HK2: variants seen among roughly 807,000 people sequenced by gnomAD.
HK2 encodes the protein hexokinase-2.
A neutral mutation model predicts 92.9 loss-of-function variants in HK2; 42 were observed. The observed-to-expected ratio is 0.45, with a 90% CI of 0.35 to 0.58. The LOEUF (loss-of-function observed/expected upper bound fraction) is 0.58. HK2 is among the 20% of genes least tolerant of loss of function. The pLI, the probability that HK2 is intolerant of heterozygous loss-of-function variation, is 0.00. For missense variants in HK2, 978 were observed against 1,245.1 expected, an observed-to-expected ratio of 0.79 and a Z score of 3.23; for synonymous variants, 422 against 468.0, an observed-to-expected ratio of 0.90 and a Z score of 1.27.
At chr2:74,866,010 A>G (rs903964858) in intron 2 of HK2, among the ~76,000 whole-genome samples, 1 of 152,092 alleles carries the variant, frequency 6.6e-6, no homozygotes, top group Non-Finnish European at 1.5e-5. Flanking sequence ...GCCTCTGCTA[A>G]ATAGTGGCCG....
rs1480144771 is a variant in HK2 at position 74,878,819 on chromosome 2, C to G, written c.1163C>G (p.Ala388Gly). ...VSTRSASLCA[A>G]TLAAVLQRIK... The stretch of plus-strand genomic sequence containing the variant: ...ACACGCTCCGCCAGCCTGTGCGCAG[C>G]CACCCTGGCCGCCGTGCTGCAGCGC... The change falls in exon 9 of 18, where the codon GCC (alanine) becomes GGC (glycine). Residue 388 changes from alanine (A) to glycine (G), a missense_variant. Ala to Gly is a moderately conservative substitution (Grantham distance 60). Transcript: ENST00000290573. 3.2e-6 allele frequency: 5 copies of G among 1,559,798 alleles called. No homozygotes were observed. The highest frequency in any genetic ancestry group is 4.3e-6 in the Non-Finnish European group (5 of 1,151,394).
At position 74,885,885 on chromosome 2, in the gene HK2, C is replaced by CAA. The variant is rs58908262; in HGVS notation, c.1935+297_1935+298insAA. Among the ~76,000 whole-genome samples the CAA allele has an allele frequency of 2.6e-3, 381 of 148,538 alleles. 5 individuals carry two copies. The highest frequency in any genetic ancestry group is 8.9e-3 in the African/African-American group (351 of 39,418). On this transcript the variant is annotated intron_variant, in intron 13 of 17. Coordinates refer to ENST00000290573, the MANE Select transcript of HK2 (RefSeq NM_000189.5). ...ACACACACACACACACACACACACA[C>CAA]AGTAAAGGAATAAAAGAATGGCCAC...
intron 1 of HK2, among the ~76,000 whole-genome samples, chr2:74,841,715 C>T (rs35902493): frequency 0.43 from 65,091 of 152,022 alleles, 15,051 homozygotes; most frequent in African/African-American, 0.59. Context: ...TTTCTGTATT[C>T]TCAACCAGAG....
intron 2 of HK2, among the ~76,000 whole-genome samples, chr2:74,860,000 G>A (rs1688785242): frequency 6.6e-6 from 1 of 152,164 alleles, no homozygotes; most frequent in Non-Finnish European, 1.5e-5. Context: ...AAAATAGAAT[G>A]AAATAATGTA....
chr2:74,870,877 G>A (rs1689081641), intron 3 of HK2, among the ~76,000 whole-genome samples: 1 of 152,142 alleles, frequency 6.6e-6, no homozygotes. Flanking sequence ...CTTTGCATGG[G>A]ATCAGACAGA....
At chr2:74,880,711 T>G (rs138910387) in intron 10 of HK2, 142 bp downstream of exon 10, 95 of 827,660 alleles carry the variant, frequency 1.1e-4, no homozygotes, top group Non-Finnish European at 1.7e-4. Context: ...AGTTCTAGTC[T>G]TTGATAAACT....
intron 1 of HK2, among the ~76,000 whole-genome samples, chr2:74,838,153 TTGA>T (rs1412579130): frequency 6.6e-6 from 1 of 152,138 alleles, no homozygotes; most frequent in African/African-American, 2.4e-5. Context: ...TCTGTTAGAG[TTGA>T]TGGTTTTCAG....
chr2:74,851,744 G>T (rs1688575037), intron 1 of HK2, among the ~76,000 whole-genome samples: 1 of 152,170 alleles, frequency 6.6e-6, no homozygotes. Context: ...GAGTGTCTTT[G>T]TCAGGTGTCA....
intron 2 of HK2, among the ~76,000 whole-genome samples, chr2:74,861,670 C>T (rs1688831080): frequency 6.6e-6 from 1 of 152,204 alleles, no homozygotes; most frequent in South Asian, 2.1e-4. Flanking sequence ...TCACAGTTTA[C>T]ATTGGCTTGT....
In HK2 at chr2:74,854,332, A is replaced by C; in HGVS notation, c.103A>C (p.Thr35Pro). 1.9e-6 allele frequency: 3 copies of C among 1,613,132 alleles called. No individual in the cohort carries two copies. The highest frequency in any genetic ancestry group is 2.5e-6 in the Non-Finnish European group (3 of 1,179,952). ...YLYHMRLSDE[T>P]LLEISKRFRK... ...CTACCACATGCGCCTCTCTGATGAG[A>C]CCCTCTTGGAGATCTCTAAGCGGTT... The change falls in exon 2 of 18, where the codon ACC becomes CCC. Residue 35 changes from threonine (T) to proline (P), a missense_variant. Coordinates refer to ENST00000290573, the MANE Select transcript of HK2 (RefSeq NM_000189.5).
chr2:74,837,648 C>G (rs76692024), intron 1 of HK2, among the ~76,000 whole-genome samples: 3,279 of 150,934 alleles, frequency 0.022, 120 homozygotes, highest in African/African-American at 0.075. Flanking sequence ...CCTGCCTGTT[C>G]ACACTAGGTC....
At position 74,892,082 on chromosome 2, in the gene HK2, C is replaced by T. The variant is rs1467030309; in HGVS notation, c.*1141C>T. 1 of 152,740 alleles carries T rather than the reference C, an allele frequency of 6.5e-6. No individual in the cohort carries two copies. The highest frequency in any genetic ancestry group is 1.9e-4 in the East Asian group (1 of 5,188). The allele number at this position is 152,740 out of a possible 1,614,324, so 9.5% of individuals were successfully genotyped here. ...ACTGAAGAGACCACAGCAATTGGCT[C>T]CTCCATCTAGAGATTTTCTTGGCAG... is the stretch of plus-strand genomic sequence containing the variant. On this transcript the variant is annotated 3_prime_UTR_variant, in exon 18 of 18. Transcript: ENST00000290573.
rs1689118902 is a variant in HK2 at position 74,872,432 on chromosome 2, C to T, written c.495+13C>T. On this transcript the variant is annotated intron_variant, in intron 4 of 17. Coordinates refer to ENST00000290573, the MANE Select transcript of HK2 (RefSeq NM_000189.5). ...TAAACTAGACGAGGTAAGATGGGCT[C>T]CTCAGACACTTGTTGCTTCACTCTT... The T allele has an allele frequency of 3.1e-6, 5 of 1,613,836 alleles. No homozygotes were observed. The highest frequency in any genetic ancestry group is 4.2e-6 in the Non-Finnish European group (5 of 1,179,858).
intron 2 of HK2, among the ~76,000 whole-genome samples, chr2:74,856,467 C>G (rs1312975082): frequency 6.6e-6 from 1 of 152,068 alleles, no homozygotes; most frequent in African/African-American, 2.4e-5. Context: ...CCTACCACTC[C>G]CTCTGACTGG....
intron 10 of HK2, 106 bp downstream of exon 10, chr2:74,880,675 A>T: frequency 8.5e-7 from 1 of 1,171,538 alleles, no homozygotes; most frequent in Non-Finnish European, 1.2e-6. Context: ...GAACCAGAAC[A>T]CGTTTCTTCA....
At chr2:74,840,060 G>A (rs371235372) in intron 1 of HK2, among the ~76,000 whole-genome samples, 13 of 141,318 alleles carry the variant, frequency 9.2e-5, no homozygotes, top group Admixed American at 5.1e-4. Context: ...GGTTCCTGCC[G>A]TTCGCCTGCC....
At chr2:74,868,344 C>A (rs1019963595) in intron 3 of HK2, among the ~76,000 whole-genome samples, 1 of 152,070 alleles carries the variant, frequency 6.6e-6, no homozygotes, top group Non-Finnish European at 1.5e-5. Flanking sequence ...CAGAGGGTAG[C>A]GGCCCTTCCA....
At chr2:74,890,616 C>T (rs559659414) in intron 17 of HK2, among the ~76,000 whole-genome samples, 181 bp from the exon 18 acceptor site, 4 of 152,312 alleles carry the variant, frequency 2.6e-5, no homozygotes, top group Non-Finnish European at 4.4e-5. Context: ...CTCCAAGCCA[C>T]GGTTTTCTGG....
chr2:74,885,544 C>T lies in HK2; in HGVS notation c.1890C>T (p.Gly630=), dbSNP rs377323846. 18 of 1,613,852 alleles carry T rather than the reference C, an allele frequency of 1.1e-5. No individual in the cohort carries two copies. The highest frequency in any genetic ancestry group is 3.3e-5 in the Admixed American group (2 of 59,998). Residue 630 remains glycine (G), a synonymous_variant, in exon 13 of 18, where the codon GGC becomes GGT. Coordinates refer to ENST00000290573, the MANE Select transcript of HK2 (RefSeq NM_000189.5). ...GCTTCAAGGCATCTGGCTGCGAGGG[C>T]GAGGACGTGGTGACCCTGCTGAAGG... ...TKGFKASGCE[G]EDVVTLLKEA...
Sources: gnomAD v4.1 joint callset for allele counts (sites outside exome capture counted in the v4.1 genomes callset) on GRCh38, gnomAD v4.1.1 for gene constraint, MANE v1.5 for transcripts, NCBI Gene and HGNC (gene_info 2026-07-23, HGNC 2026-07-21) for gene names.